Variants in GET1 observed in about 807,000 individuals in gnomAD.
The protein encoded by GET1 is congenital heart disease 5 protein.
GET1 carries 20 observed loss-of-function variants against 22.6 expected under a neutral mutation model. The ratio of observed to expected loss-of-function variants is 0.89; its 90% confidence interval spans 0.62 to 1.29. The LOEUF (loss-of-function observed/expected upper bound fraction) is 1.29. Among genes scored for constraint, GET1 ranks in the 50% most tolerant of loss-of-function variants. The pLI is 0.00. For missense variants in GET1, 209 were observed against 219.9 expected, an observed-to-expected ratio of 0.95 and a Z score of 0.31; for synonymous variants, 92 against 83.8, an observed-to-expected ratio of 1.10 and a Z score of -0.53.
At chr21:39,404,784 A>C (rs1402094573) in intron 4 of GET1, among the ~76,000 whole-genome samples, 1 of 151,236 alleles carries the variant, frequency 6.6e-6, no homozygotes. Context: ...TTTTCATGAA[A>C]CTAAGCTTGG....
chr21:39,388,002 C>A (rs1009598900), intron 1 of GET1: 2 of 346,928 alleles, frequency 5.8e-6, no homozygotes, highest in Non-Finnish European at 8.1e-6. Context: ...CAGTCAATAC[C>A]GATAACTGAT....
At chr21:39,403,474 C>T (rs932518518) in intron 4 of GET1, among the ~76,000 whole-genome samples, 2 of 151,166 alleles carry the variant, frequency 1.3e-5, no homozygotes, top group Non-Finnish European at 2.9e-5. Context: ...CTAAAGGCGC[C>T]GCCACCACGC....
intron 3 of GET1, 43 bp downstream of exon 3, chr21:39,391,879 C>A (rs2038318907): frequency 1.2e-6 from 2 of 1,601,510 alleles, no homozygotes; most frequent in Non-Finnish European, 1.7e-6. Context: ...GAGTTGGTGA[C>A]CCCGGCCTCC....
At chr21:39,391,542 T>A in intron 2 of GET1, 10 of 452,558 alleles carry the variant, frequency 2.2e-5, no homozygotes, top group Non-Finnish European at 2.8e-5. Context: ...GTTTTCAAAA[T>A]TAAAGCTATT....
chr21:39,387,945 A>AT (rs1301235991), intron 1 of GET1: 1 of 776,672 alleles, frequency 1.3e-6, no homozygotes, highest in Non-Finnish European at 1.6e-6. Context: ...TTATTAATCT[A>AT]TTTTTAAAAT....
chr21:39,393,881 C>T lies in GET1; in HGVS notation c.451+601C>T, dbSNP rs183391211. 9.2e-5 allele frequency among the ~76,000 whole-genome samples: 14 copies of T among 152,078 alleles called. No individual in the cohort carries two copies. The East Asian group carries it at 2.5e-3, about 28-fold the overall frequency. Reference sequence around the variant, plus strand: ...GCCAGGCTGGTCTCAAACTCCTGACCTTAAGTGATCCTCATGCCTTGGCCT... The same window carrying T: ...GCCAGGCTGGTCTCAAACTCCTGACTTTAAGTGATCCTCATGCCTTGGCCT... On this transcript the variant is annotated intron_variant, in intron 4 of 4. Transcript: ENST00000649170.
chr21:39,392,865 A>ATCTCG, intron 3 of GET1: 2 of 301,904 alleles, frequency 6.6e-6, no homozygotes, highest in South Asian at 7.0e-5. Context: ...TTATGTGTAG[A>ATCTCG]TTGTGTTCAT....
At chr21:39,424,138 G>A (rs1401618053) in intron 1 of GET1, among the ~76,000 whole-genome samples, 2 of 152,050 alleles carry the variant, frequency 1.3e-5, no homozygotes, top group African/African-American at 2.4e-5. Flanking sequence ...TCAGCCTCCC[G>A]AGTAGCTGGG....
rs1439309711 is a variant in GET1, at chr21:39,397,015, T to A, written c.*76T>A. ...AGCTTAAAATCTGATTTACACTGTT[T>A]TGTTTTTTAAGAAACAAAAGTGCAT... On this transcript the variant is annotated 3_prime_UTR_variant, in exon 5 of 5. Coordinates refer to ENST00000649170, the MANE Select transcript of GET1 (RefSeq NM_004627.6). 6.5e-7 allele frequency: 1 copy of A among 1,533,282 alleles called. No homozygotes were observed. Among genetic ancestry groups the A allele is most frequent in the Non-Finnish European group, 8.9e-7 (1 of 1,118,274 alleles). 95.0% of individuals were successfully genotyped at this position (1,533,282 alleles called of 1,614,324 possible).
downstream of GET1, among the ~76,000 whole-genome samples, chr21:39,401,901 A>G (rs1030791500): frequency 4.6e-5 from 7 of 152,112 alleles, no homozygotes; most frequent in African/African-American, 1.7e-4. Flanking sequence ...GATTTAATGT[A>G]TAAATGTGTG....
exon 5 of GET1, chr21:39,406,218 G>A (rs749303465): frequency 1.2e-6 from 2 of 1,614,228 alleles, no homozygotes; most frequent in South Asian, 2.2e-5. Context: ...CTCTGTTACT[G>A]AGATGCTTGC....
intron 1 of GET1, among the ~76,000 whole-genome samples, chr21:39,425,323 C>A (rs934481932): frequency 1.3e-5 from 2 of 152,114 alleles, no homozygotes; most frequent in Non-Finnish European, 1.5e-5. Context: ...AAACAATGAA[C>A]CAAGAGAGCC....
intron 1 of GET1, among the ~76,000 whole-genome samples, chr21:39,383,894 C>T (rs555830116): frequency 6.6e-6 from 1 of 152,334 alleles, no homozygotes; most frequent in Non-Finnish European, 1.5e-5. Context: ...GTGCATGCCA[C>T]CATGCTGGGC....
chr21:39,398,504 C>T (rs1601647470), downstream of GET1, among the ~76,000 whole-genome samples: 1 of 152,046 alleles, frequency 6.6e-6, no homozygotes, highest in Non-Finnish European at 1.5e-5. Flanking sequence ...ATTTCTGGTT[C>T]ACAGCTATTA....
downstream of GET1, among the ~76,000 whole-genome samples, chr21:39,400,333 T>C (rs2038809329): frequency 6.6e-6 from 1 of 152,364 alleles, no homozygotes; most frequent in South Asian, 2.1e-4. Context: ...TGTGGTTTTG[T>C]TTCTCTTGTT....
chr21:39,396,685 CAAAA>C (rs5843962), intron 4 of GET1, among the ~76,000 whole-genome samples, 177 bp from the exon 5 acceptor site: 8 of 97,884 alleles, frequency 8.2e-5, no homozygotes, highest in African/African-American at 1.9e-4. Flanking sequence ...GACTCCGTCT[CAAAA>C]AAAAAAAAAA....
chr21:39,412,970 C>T (rs1379633495), intron 1 of GET1, among the ~76,000 whole-genome samples: 1 of 152,256 alleles, frequency 6.6e-6, no homozygotes, highest in South Asian at 2.1e-4. Flanking sequence ...TCCAGGTGCT[C>T]CCATAGCACA....
intron 4 of GET1, among the ~76,000 whole-genome samples, chr21:39,396,165 T>G (rs1344219485): frequency 1.3e-5 from 2 of 151,716 alleles, no homozygotes; most frequent in Non-Finnish European, 2.9e-5. Flanking sequence ...GGAGGCCGAG[T>G]TAGGCAAATC....
Position 39,392,446 on chromosome 21 carries a change from A to C in GET1, c.336+610A>C, listed in dbSNP as rs555325872. On this transcript the variant is annotated intron_variant, in intron 3 of 4. Coordinates refer to ENST00000649170, the MANE Select transcript of GET1 (RefSeq NM_004627.6). ...AGGCAAAGGATTCAAGCCCACCCCC[A>C]AAAAAGCTTAGTTTGGCAGGGTATA... Among the ~76,000 whole-genome samples, 17 of 152,240 alleles carry C rather than the reference A, an allele frequency of 1.1e-4. No individual in the cohort carries two copies. In the East Asian group the frequency reaches 1.4e-3, roughly 12 times the overall value.
Sources: allele counts gnomAD v4.1 joint callset (sites outside exome capture counted in the v4.1 genomes callset), GRCh38; gene constraint gnomAD v4.1.1; transcripts MANE v1.5; gene names NCBI Gene and HGNC (gene_info 2026-07-23, HGNC 2026-07-21).